FAM90A20: variants seen among roughly 807,000 people sequenced by gnomAD.
The protein encoded by FAM90A20 is family with sequence similarity 90 member A20.
chr8:7,296,598 C>A, the FAM90A20 span, among the ~76,000 whole-genome samples: 3 of 135,610 alleles, frequency 2.2e-5, no homozygotes, highest in Non-Finnish European at 4.5e-5. Flanking sequence ...GGCTTTCTTT[C>A]TGTCCAATTA....
At chr8:7,295,791 C>T in the FAM90A20 span, 1 of 1,211,236 alleles carries the variant, frequency 8.3e-7, no homozygotes, top group Non-Finnish European at 1.2e-6. Flanking sequence ...AACCCGGGGC[C>T]CTTGAACAAG....
At chr8:7,297,011 G>A in the FAM90A20 span, 7 of 1,419,832 alleles carry the variant, frequency 4.9e-6, no homozygotes, top group Non-Finnish European at 6.6e-6. Context: ...TGATTTTCAT[G>A]TTGGCTCCAT....
At chr8:7,297,495 G>T in the FAM90A20 span, 4 of 1,525,334 alleles carry the variant, frequency 2.6e-6, no homozygotes, top group South Asian at 2.2e-5. Flanking sequence ...TTTGGGTCAG[G>T]AGCCAAGAGA....
At chr8:7,297,004 T>G in the FAM90A20 span, 16 of 1,399,968 alleles carry the variant, frequency 1.1e-5, 1 homozygote, top group South Asian at 1.4e-4. Context: ...ATGTGTTTGA[T>G]TTTCATGTTG....
chr8:7,295,576 A>T, the FAM90A20 span: 5 of 670,914 alleles, frequency 7.5e-6, 1 homozygote, highest in Non-Finnish European at 7.8e-6. Flanking sequence ...TTAACGTGGG[A>T]TCGCTGCCTG....
chr8:7,296,519 G>T, the FAM90A20 span: 8 of 634,938 alleles, frequency 1.3e-5, no homozygotes, highest in Admixed American at 6.6e-5. Context: ...CTTGGGGTCA[G>T]GGCCTCCACG....
chr8:7,297,374 G>A, the FAM90A20 span: 6 of 1,492,936 alleles, frequency 4.0e-6, 1 homozygote, highest in African/African-American at 8.0e-5. Flanking sequence ...CAAAACCCAC[G>A]GCCTGCTCCA....
chr8:7,296,538 A>T, the FAM90A20 span: 1 of 615,586 alleles, frequency 1.6e-6, no homozygotes, highest in Non-Finnish European at 2.9e-6. Flanking sequence ...CGATCCTTGC[A>T]GGTCAGTTTG....
At chr8:7,296,795 A>G in the FAM90A20 span, among the ~76,000 whole-genome samples, 1 of 136,036 alleles carries the variant, frequency 7.4e-6, no homozygotes, top group East Asian at 2.0e-4. Context: ...GGCTGAGTGG[A>G]GGCACTTTGA....
At chr8:7,296,491 A>T in the FAM90A20 span, 3 of 657,266 alleles carry the variant, frequency 4.6e-6, no homozygotes, top group East Asian at 2.9e-5. Flanking sequence ...AAATCGGGGA[A>T]CCCCTCTTTC....
chr8:7,297,647 C>A, the FAM90A20 span: 1 of 1,405,792 alleles, frequency 7.1e-7, no homozygotes. Flanking sequence ...CGCAACCGAA[C>A]TTGGACCAAG....
the FAM90A20 span, chr8:7,297,108 G>A: frequency 1.2e-5 from 18 of 1,504,536 alleles, 1 homozygote; most frequent in South Asian, 4.5e-5. Flanking sequence ...AAGAGGCCGC[G>A]CATGGACCCT....
chr8:7,297,261 C>G, the FAM90A20 span: 22 of 1,425,728 alleles, frequency 1.5e-5, no homozygotes, highest in Non-Finnish European at 2.0e-5. Context: ...GCCGACATCC[C>G]TCGGCCTGCA....
chr8:7,296,412 G>T, the FAM90A20 span: 2 of 737,560 alleles, frequency 2.7e-6, no homozygotes, highest in East Asian at 5.1e-5. Context: ...GTGTCACCCC[G>T]GGCCCCTGGT....
the FAM90A20 span, among the ~76,000 whole-genome samples, chr8:7,296,711 T>G: frequency 0.077 from 10,348 of 135,262 alleles, 2,695 homozygotes; most frequent in African/African-American, 0.21. Context: ...CATGTGTTCA[T>G]AGAAGACGTC....
the FAM90A20 span, chr8:7,297,727 C>T: frequency 6.0e-6 from 9 of 1,496,278 alleles, 1 homozygote; most frequent in Non-Finnish European, 5.4e-6. Context: ...CTCCGCACCG[C>T]AGACCTTGCC....
the FAM90A20 span, chr8:7,297,119 G>C: frequency 0.01 from 15,159 of 1,508,080 alleles, 1,729 homozygotes; most frequent in Admixed American, 0.12. Context: ...CATGGACCCT[G>C]TCCTCTCTGG....
chr8:7,295,768 T>A, the FAM90A20 span: 3 of 1,307,942 alleles, frequency 2.3e-6, 1 homozygote, highest in South Asian at 2.4e-5. Flanking sequence ...CATGGAAGCC[T>A]GGGGTTGAAG....
chr8:7,295,776 A>T, the FAM90A20 span: 5 of 1,287,074 alleles, frequency 3.9e-6, no homozygotes, highest in Non-Finnish European at 5.4e-6. Flanking sequence ...CCTGGGGTTG[A>T]AGCCAACCCG....
Sources: gnomAD v4.1 joint callset for allele counts (sites outside exome capture counted in the v4.1 genomes callset) on GRCh38, gnomAD v4.1.1 for gene constraint, MANE v1.5 for transcripts, NCBI Gene and HGNC (gene_info 2026-07-23, HGNC 2026-07-21) for gene names.